The following RAPGEFL1 variants were observed in gnomAD, a reference collection of about 807,000 sequenced individuals.
The protein encoded by RAPGEFL1 is rap guanine nucleotide exchange factor-like 1.
A neutral mutation model predicts 64.4 loss-of-function variants in RAPGEFL1; 31 were observed. That is an observed-to-expected ratio of 0.48 (90% CI 0.36 to 0.65). RAPGEFL1 has a LOEUF of 0.65. Among genes scored for constraint, RAPGEFL1 ranks in the 30% least tolerant of loss-of-function variants. The pLI is 0.00. For synonymous variants in RAPGEFL1, 331 were observed against 274.1 expected (o/e 1.21, Z -2.05); for missense variants, 682 against 677.4 (o/e 1.01, Z -0.08).
chr17:40,192,798 C>T (rs1024379977), intron 12 of RAPGEFL1, 105 bp downstream of exon 12: 1 of 1,356,788 alleles, frequency 7.4e-7, no homozygotes, highest in African/African-American at 1.4e-5. Context: ...TGAGTACCCA[C>T]CTGGAGAGGA....
intron 6 of RAPGEFL1, 35 bp downstream of exon 6, chr17:40,189,410 G>A (rs755998622): frequency 3.7e-6 from 6 of 1,609,012 alleles, no homozygotes; most frequent in Non-Finnish European, 1.7e-6. Context: ...GATGCTCCGA[G>A]AGGAGAAACT....
At chr17:40,179,988 A>G (rs1385270606) in intron 1 of RAPGEFL1, among the ~76,000 whole-genome samples, 4 of 152,214 alleles carry the variant, frequency 2.6e-5, no homozygotes, top group Admixed American at 6.5e-5. Context: ...TCTATGACAC[A>G]TTCCCTAGGG....
At chr17:40,193,536 C>T in intron 14 of RAPGEFL1, 119 bp downstream of exon 14, 1 of 1,576,080 alleles carries the variant, frequency 6.3e-7, no homozygotes, top group African/African-American at 1.3e-5. Flanking sequence ...CCCATTCTCT[C>T]CTTGCCTCTG....
intron 1 of RAPGEFL1, among the ~76,000 whole-genome samples, chr17:40,178,921 TG>T (rs1472523878): frequency 2.0e-5 from 3 of 151,894 alleles, no homozygotes; most frequent in African/African-American, 7.3e-5. Context: ...AGCAGTTTGG[TG>T]GGGGGGATAG....
chr17:40,192,799 C>T, intron 12 of RAPGEFL1, 106 bp downstream of exon 12: 1 of 1,358,150 alleles, frequency 7.4e-7, no homozygotes, highest in African/African-American at 1.4e-5. Flanking sequence ...GAGTACCCAC[C>T]TGGAGAGGAG....
intron 10 of RAPGEFL1, 98 bp from the exon 11 acceptor site, chr17:40,192,115 G>A: frequency 8.9e-7 from 1 of 1,120,574 alleles, no homozygotes; most frequent in Non-Finnish European, 1.4e-6. Context: ...AGCCATGCAG[G>A]CCCTTTTGCC....
At chr17:40,181,424 C>G in intron 1 of RAPGEFL1, 192 bp from the exon 2 acceptor site, 2 of 660,238 alleles carry the variant, frequency 3.0e-6, no homozygotes, top group Admixed American at 2.1e-5. Context: ...CCGAACCCAC[C>G]CTCGCAGTGG....
Position 40,178,211 on chromosome 17 carries a change from G to T in RAPGEFL1, c.350G>T (p.Gly117Val). ...EVPGPGPLGGGGPLRSPSSYS... is the reference protein window; with the variant it reads ...EVPGPGPLGGVGPLRSPSSYS... ...CCGGGGCCCGGGCCTCTCGGGGGAG[G>T]GGGGCCCCTGCGCTCCCCTTCCTCC... The change falls in exon 1 of 15, where the codon GGG becomes GTG. Residue 117 changes from glycine to valine, a missense_variant. Physicochemically the swap from Gly to Val is moderately radical, Grantham distance 109. This residue lies in a region of RAPGEFL1 where 271 missense variants were observed against 158.0 expected (regional missense o/e 1.72). Transcript: ENST00000620260. The T allele has an allele frequency of 1.7e-6, 1 of 573,486 alleles. No individual in the cohort carries two copies. The highest frequency in any genetic ancestry group is 1.9e-5 in the South Asian group (1 of 52,928). The allele number at this position is 573,486 out of a possible 1,614,324, so 35.5% of individuals were successfully genotyped here. A position where few individuals can be genotyped will look rare whatever the true frequency, so the allele number is the denominator to read the frequency against.
intron 4 of RAPGEFL1, among the ~76,000 whole-genome samples, chr17:40,187,398 C>T (rs1435087238): frequency 2.6e-5 from 4 of 152,164 alleles, no homozygotes; most frequent in Non-Finnish European, 4.4e-5. Context: ...CTAGAGAGAT[C>T]TTTCATGCTC....
At chr17:40,190,878 G>A (rs1598445325) in intron 8 of RAPGEFL1, 116 bp downstream of exon 8, 1 of 1,460,524 alleles carries the variant, frequency 6.8e-7, no homozygotes, top group East Asian at 2.3e-5. Context: ...AAGCCCTTGG[G>A]CAACGCATGG....
Position 40,177,794 on chromosome 17 carries a change from GCC to G in RAPGEFL1, c.-61_-60del, listed in dbSNP as rs907449924. On this transcript the variant is annotated 5_prime_UTR_variant, in exon 1 of 15. Transcript: ENST00000620260. The stretch of plus-strand genomic sequence containing the variant: ...CAGCTCTGAGCATCGTGTCTTCGCC[GCC>G]CCCCCCGCCCGCGCCTGGGATACCT... 1.4e-4 allele frequency: 56 copies of G among 407,704 alleles called. No individual in the cohort carries two copies. Among genetic ancestry groups the G allele is most frequent in the African/African-American group, 5.6e-4 (27 of 48,198 alleles). The allele number at this position is 407,704 out of a possible 1,614,324, so 25.3% of individuals were successfully genotyped here.
chr17:40,190,233 G>T (rs1213326995), intron 6 of RAPGEFL1, among the ~76,000 whole-genome samples: 1 of 152,104 alleles, frequency 6.6e-6, no homozygotes, highest in African/African-American at 2.4e-5. Flanking sequence ...AAAGGGAGTA[G>T]AAAAAAAGTT....
At chr17:40,186,284 A>AG in intron 4 of RAPGEFL1, among the ~76,000 whole-genome samples, 1 of 149,982 alleles carries the variant, frequency 6.7e-6, no homozygotes, top group East Asian at 2.0e-4. Flanking sequence ...AAAAAAAAAA[A>AG]AAGGCCGGGC....
At position 40,181,598 on chromosome 17, in the gene RAPGEFL1, G is replaced by A; in HGVS notation, c.521-18G>A. Reference sequence around the variant, plus strand: ...GAAGTGCCCACCTGACATCTGTGGTGCCCACTGATCTTTACAGATATCCTG... The same window carrying A: ...GAAGTGCCCACCTGACATCTGTGGTACCCACTGATCTTTACAGATATCCTG... On this transcript the variant is annotated intron_variant, in intron 1 of 14. Transcript: ENST00000620260. The A allele has an allele frequency of 1.4e-6, 1 of 702,440 alleles. No individual in the cohort carries two copies. 43.5% of individuals were successfully genotyped at this position (702,440 alleles called of 1,614,324 possible).
Position 40,177,669 on chromosome 17 carries a change from G to A in RAPGEFL1, c.-193G>A. Reference sequence around the variant, plus strand: ...CTGAGAGCGAGCACTCCTTTCCTCTGGCACCTCCCCCGGCTACTGGCCACT... The same window carrying A: ...CTGAGAGCGAGCACTCCTTTCCTCTAGCACCTCCCCCGGCTACTGGCCACT... On this transcript the variant is annotated 5_prime_UTR_variant, in exon 1 of 15. Transcript: ENST00000620260. 2.4e-6 allele frequency: 1 copy of A among 412,210 alleles called. No individual in the cohort carries two copies. The highest frequency in any genetic ancestry group is 3.6e-5 in the East Asian group (1 of 27,872). The allele number at this position is 412,210 out of a possible 1,614,324, so 25.5% of individuals were successfully genotyped here. A position where few individuals can be genotyped will look rare whatever the true frequency, so the allele number is the denominator to read the frequency against.
rs1989986808 is a variant in RAPGEFL1, at chr17:40,184,183, GCGTAGGGATTTTT to G, written c.600-29_600-17del. The stretch of plus-strand genomic sequence containing the variant: ...TCTTCTCAATTCCTCAGGTCTGCTT[GCGTAGGGATTTTT>G]CTTAACTTAAGGGTCAGCTTTGTTC... On this transcript the variant is annotated intron_variant, in intron 2 of 14. Coordinates refer to ENST00000620260, the MANE Select transcript of RAPGEFL1 (RefSeq NM_016339.6). 2 of 1,486,344 alleles carry G rather than the reference GCGTAGGGATTTTT, an allele frequency of 1.3e-6. No individual in the cohort carries two copies. The highest frequency in any genetic ancestry group is 2.3e-5 in the South Asian group (2 of 88,512). The allele number at this position is 1,486,344 out of a possible 1,614,324, so 92.1% of individuals were successfully genotyped here. A position where few individuals can be genotyped will look rare whatever the true frequency, so the allele number is the denominator to read the frequency against.
At chr17:40,177,316 TCTTCTG>T, upstream of RAPGEFL1, 1 of 702,338 alleles carries the variant, frequency 1.4e-6, no homozygotes, top group East Asian at 2.7e-5. Flanking sequence ...GCCCTTAATT[TCTTCTG>T]CTTAGAACCC....
In RAPGEFL1 at chr17:40,190,697, G is replaced by A; in HGVS notation, c.1270G>A (p.Glu424Lys). The change falls in exon 8 of 15, where the codon GAG becomes AAG. Residue 424 changes from glutamate to lysine, a missense_variant. Coordinates refer to ENST00000620260, the MANE Select transcript of RAPGEFL1 (RefSeq NM_016339.6). ...SPGDTEIHRV[E>K]PEDVANHLTA... ...TGGAGACACAGAGATCCACCGAGTG[G>A]AGCCTGAGGACGTTGCCAACCACCT... is the stretch of plus-strand genomic sequence containing the variant. The A allele has an allele frequency of 6.2e-7, 1 of 1,614,220 alleles. No individual in the cohort carries two copies. The highest frequency in any genetic ancestry group is 1.1e-5 in the South Asian group (1 of 91,076).
In RAPGEFL1 at chr17:40,177,537, C is replaced by T; in HGVS notation, c.-325C>T. On this transcript the variant is annotated 5_prime_UTR_variant, in exon 1 of 15. Transcript: ENST00000620260. ...CCGCCGCCGCGTCCTCTCAGCCTTG[C>T]GCTCCGCCCGCTGCCTCTGCCGCCG... 1.9e-6 allele frequency: 1 copy of T among 539,682 alleles called. No individual in the cohort carries two copies. Among genetic ancestry groups the T allele is most frequent in the Non-Finnish European group, 3.2e-6 (1 of 308,254 alleles). 33.4% of individuals were successfully genotyped at this position (539,682 alleles called of 1,614,324 possible).
Sources: gnomAD v4.1 joint callset for allele counts (sites outside exome capture counted in the v4.1 genomes callset) on GRCh38, gnomAD v4.1.1 for gene constraint, gnomAD v4.1.1 regional missense constraint, MANE v1.5 for transcripts, NCBI Gene and HGNC (gene_info 2026-07-23, HGNC 2026-07-21) for gene names.